Variants in VDAC1 observed in about 807,000 individuals in gnomAD.
The protein encoded by VDAC1 is voltage dependent anion channel 1.
A neutral mutation model predicts 34.7 loss-of-function variants in VDAC1; 10 were observed. The ratio of observed to expected loss-of-function variants is 0.29; its 90% confidence interval spans 0.18 to 0.49. The LOEUF is 0.49. VDAC1 is among the 20% of genes least tolerant of loss of function. The pLI is 0.99. For missense variants in VDAC1, 230 were observed against 347.9 expected, an observed-to-expected ratio of 0.66 and a Z score of 2.69; for synonymous variants, 130 against 136.0, an observed-to-expected ratio of 0.96 and a Z score of 0.30.
the VDAC1 span, among the ~76,000 whole-genome samples, chr5:134,068,621 C>T: frequency 6.6e-6 from 1 of 152,040 alleles, no homozygotes; most frequent in African/African-American, 2.4e-5. Flanking sequence ...AGGATTTTCT[C>T]ATTGTCTTTG....
At chr5:134,035,843 A>G in the VDAC1 span, among the ~76,000 whole-genome samples, 3 of 152,020 alleles carry the variant, frequency 2.0e-5, no homozygotes, top group Non-Finnish European at 1.5e-5. Context: ...CGTCTCTACT[A>G]AAAACTACAA....
chr5:133,977,345 A>G (rs1752519220), intron 6 of VDAC1, among the ~76,000 whole-genome samples: 1 of 152,230 alleles, frequency 6.6e-6, no homozygotes, highest in Non-Finnish European at 1.5e-5. Flanking sequence ...TTGCTACATC[A>G]TAAAATGTCT....
At chr5:134,089,964 C>G in the VDAC1 span, among the ~76,000 whole-genome samples, 2 of 151,930 alleles carry the variant, frequency 1.3e-5, no homozygotes, top group Non-Finnish European at 2.9e-5. Context: ...TGCACTCCAG[C>G]CTGGGTGACA....
chr5:133,976,147 G>A, intron 6 of VDAC1, 126 bp from the exon 7 acceptor site: 1 of 1,207,832 alleles, frequency 8.3e-7, no homozygotes, highest in Non-Finnish European at 1.2e-6. Flanking sequence ...TGGTATTAAG[G>A]GAAGTCAGAA....
At chr5:134,066,916 CA>C in the VDAC1 span, among the ~76,000 whole-genome samples, 2 of 152,092 alleles carry the variant, frequency 1.3e-5, no homozygotes, top group African/African-American at 2.4e-5. Flanking sequence ...ATCTGCTTGG[CA>C]AAAAATATCC....
At chr5:134,053,797 CA>C in the VDAC1 span, among the ~76,000 whole-genome samples, 1 of 152,146 alleles carries the variant, frequency 6.6e-6, no homozygotes, top group Non-Finnish European at 1.5e-5. Context: ...TTCCCTAAAC[CA>C]CAAGTCAACA....
chr5:134,102,475 C>A, the VDAC1 span, among the ~76,000 whole-genome samples: 389 of 152,140 alleles, frequency 2.6e-3, 4 homozygotes, highest in Non-Finnish European at 2.6e-3. Context: ...TCGAGACCAG[C>A]CTGACCAACA....
At chr5:133,976,967 C>A (rs1011288385) in intron 6 of VDAC1, among the ~76,000 whole-genome samples, 1 of 152,138 alleles carries the variant, frequency 6.6e-6, no homozygotes, top group African/African-American at 2.4e-5. Context: ...TCGTCTGAAC[C>A]CAGGAGGCAG....
At chr5:134,014,053 G>C in the VDAC1 span, among the ~76,000 whole-genome samples, 54 of 152,220 alleles carry the variant, frequency 3.5e-4, no homozygotes, top group African/African-American at 1.0e-3. Context: ...ACTTTGGGGG[G>C]CCAAGGTGGG....
intron 1 of VDAC1, 147 bp downstream of exon 1, chr5:134,004,748 C>T (rs1753699206): frequency 6.7e-6 from 1 of 150,098 alleles, no homozygotes; most frequent in Non-Finnish European, 1.5e-5. Context: ...GCGGCTGGGC[C>T]AAGGGCGGGG....
the VDAC1 span, among the ~76,000 whole-genome samples, chr5:134,060,306 G>A: frequency 2.6e-5 from 4 of 151,908 alleles, no homozygotes; most frequent in East Asian, 1.9e-4. Context: ...TCGACCACCC[G>A]TCCAATGCAG....
the VDAC1 span, among the ~76,000 whole-genome samples, chr5:134,028,358 C>A: frequency 6.6e-6 from 1 of 151,992 alleles, no homozygotes; most frequent in African/African-American, 2.4e-5. Context: ...GTCTCGAACT[C>A]CTGACCTCAG....
At chr5:134,051,441 T>C in the VDAC1 span, among the ~76,000 whole-genome samples, 1 of 152,234 alleles carries the variant, frequency 6.6e-6, no homozygotes, top group Non-Finnish European at 1.5e-5. Flanking sequence ...GCATTTTGGT[T>C]TGGGGCCAGA....
the VDAC1 span, among the ~76,000 whole-genome samples, chr5:134,034,399 G>A: frequency 5.3e-5 from 8 of 152,124 alleles, no homozygotes; most frequent in Non-Finnish European, 1.5e-5. Flanking sequence ...TGAAACGAGG[G>A]TGGGCCCCTA....
At chr5:134,110,651 G>T in the VDAC1 span, among the ~76,000 whole-genome samples, 1 of 152,242 alleles carries the variant, frequency 6.6e-6, no homozygotes, top group Admixed American at 6.5e-5. Flanking sequence ...CCAGCCTCCC[G>T]GCGGCTTTGG....
At chr5:133,986,234 C>T (rs1238815822) in intron 5 of VDAC1, among the ~76,000 whole-genome samples, 3 of 152,132 alleles carry the variant, frequency 2.0e-5, no homozygotes, top group African/African-American at 7.2e-5. Flanking sequence ...TGGCCTCATC[C>T]AGATGTGGTC....
rs2126885979 is a variant in VDAC1, at chr5:133,972,817, T to C, written c.806A>G (p.Asn269Ser). 2.5e-6 allele frequency: 4 copies of C among 1,613,896 alleles called. No homozygotes were observed. The highest frequency in any genetic ancestry group is 3.4e-6 in the Non-Finnish European group (4 of 1,179,796). ...TAGACCAAGCTTGTGGCCACCAGCATTGACGTTCTTGCCATCCAGAAGAGC... is the reference window on the plus strand; with the variant it reads ...TAGACCAAGCTTGTGGCCACCAGCACTGACGTTCTTGCCATCCAGAAGAGC... ...LSALLDGKNV[N>S]AGGHKLGLGL... The change falls in exon 9 of 9, where the codon AAT becomes AGT. Residue 269 changes from asparagine (N) to serine (S), a missense_variant. By Grantham distance (46) the Asn-to-Ser change is conservative. Transcript: ENST00000265333.
chr5:133,982,845 G>A lies in VDAC1; in HGVS notation c.324-1889C>T, dbSNP rs1054235883. On this transcript the variant is annotated intron_variant, in intron 5 of 8. Coordinates refer to ENST00000265333, the MANE Select transcript of VDAC1 (RefSeq NM_003374.3). ...GTGGAGGTTGCAGTGAGCCAAGACC[G>A]CGCCACTGCACTCCAGCCTGGGTAG... Among the ~76,000 whole-genome samples the A allele has an allele frequency of 2.0e-5, 3 of 148,770 alleles. No individual in the cohort carries two copies. In the East Asian group the frequency reaches 6.0e-4, roughly 30 times the overall value.
the VDAC1 span, among the ~76,000 whole-genome samples, chr5:134,049,504 A>T: frequency 6.6e-6 from 1 of 152,178 alleles, no homozygotes; most frequent in Admixed American, 6.5e-5. Context: ...TCCATATTTA[A>T]GGGTTACTCA....
Sources: allele counts gnomAD v4.1 joint callset (sites outside exome capture counted in the v4.1 genomes callset), GRCh38; gene constraint gnomAD v4.1.1; transcripts MANE v1.5; gene names NCBI Gene and HGNC (gene_info 2026-07-23, HGNC 2026-07-21).